Variants in MYRIP observed in about 807,000 individuals in gnomAD.
MYRIP encodes the protein myosin VIIA and Rab interacting protein.
A neutral mutation model predicts 98.0 loss-of-function variants in MYRIP; 49 were observed. The observed-to-expected ratio is 0.50, with a 90% confidence interval of 0.40 to 0.63. MYRIP has a LOEUF of 0.63. Among genes scored for constraint, MYRIP ranks in the 30% least tolerant of loss-of-function variants. The pLI is 0.00. For missense variants in MYRIP, 1,004 were observed against 1,058.2 expected (o/e 0.95, Z 0.71); for synonymous variants, 404 against 409.5 (o/e 0.99, Z 0.16).
At chr3:40,041,058 G>T (rs1575488927) in intron 2 of MYRIP, among the ~76,000 whole-genome samples, 1 of 129,160 alleles carries the variant, frequency 7.7e-6, no homozygotes. Context: ...GCAATGGCTT[G>T]CAACTCTGAG....
intron 11 of MYRIP, among the ~76,000 whole-genome samples, chr3:40,228,950 A>C (rs1396433500): frequency 6.6e-6 from 1 of 152,210 alleles, no homozygotes; most frequent in Admixed American, 6.5e-5. Context: ...TGCTGCTCAC[A>C]CATTCACAAG....
intron 3 of MYRIP, among the ~76,000 whole-genome samples, chr3:40,065,156 C>T (rs1475777863): frequency 6.6e-6 from 1 of 152,144 alleles, no homozygotes; most frequent in South Asian, 2.1e-4. Context: ...GGTTTGACAA[C>T]CTTTGGTGCT....
chr3:39,914,624 T>A (rs1445608480), intron 2 of MYRIP, among the ~76,000 whole-genome samples: 1 of 152,106 alleles, frequency 6.6e-6, no homozygotes, highest in Admixed American at 6.5e-5. Context: ...TGAAACTTTT[T>A]AAGTATAGAA....
chr3:39,924,505 A>G (rs1391799863), intron 2 of MYRIP, among the ~76,000 whole-genome samples: 1 of 152,100 alleles, frequency 6.6e-6, no homozygotes, highest in Non-Finnish European at 1.5e-5. Context: ...TAGAACTAAC[A>G]CTGAAAATAG....
At chr3:40,172,284 G>A (rs991247255) in intron 8 of MYRIP, among the ~76,000 whole-genome samples, 7 of 152,172 alleles carry the variant, frequency 4.6e-5, no homozygotes, top group South Asian at 2.1e-4. Context: ...GGAGTGCTGG[G>A]GACAGGTAGA....
chr3:39,927,802 A>G (rs1252467813), intron 2 of MYRIP, among the ~76,000 whole-genome samples: 1 of 152,066 alleles, frequency 6.6e-6, no homozygotes, highest in Non-Finnish European at 1.5e-5. Context: ...ACAGAATACT[A>G]TTAAACCAGA....
At chr3:40,119,198 A>G (rs910033455) in intron 3 of MYRIP, among the ~76,000 whole-genome samples, 2 of 152,060 alleles carry the variant, frequency 1.3e-5, no homozygotes, top group African/African-American at 2.4e-5. Context: ...TCCCACCAAC[A>G]GTGTAAAAGT....
intron 3 of MYRIP, among the ~76,000 whole-genome samples, chr3:40,065,002 G>T (rs370134348): frequency 2.0e-5 from 3 of 152,056 alleles, no homozygotes; most frequent in African/African-American, 7.2e-5. Context: ...CATTTCTTAG[G>T]GTTTCCATAA....
intron 3 of MYRIP, among the ~76,000 whole-genome samples, chr3:40,058,323 G>A (rs1947926031): frequency 1.3e-5 from 2 of 152,064 alleles, no homozygotes; most frequent in Non-Finnish European, 1.5e-5. Context: ...ACTTAAGTGT[G>A]TATTACTTTA....
chr3:40,013,232 A>G (rs951875585), intron 2 of MYRIP, among the ~76,000 whole-genome samples: 1 of 152,198 alleles, frequency 6.6e-6, no homozygotes, highest in Admixed American at 6.5e-5. Flanking sequence ...ACGTTTTTGC[A>G]CTTCCATTAT....
chr3:39,957,431 A>G (rs1418651293), intron 2 of MYRIP, among the ~76,000 whole-genome samples: 1 of 152,214 alleles, frequency 6.6e-6, no homozygotes, highest in African/African-American at 2.4e-5. Context: ...CAAAAACCAC[A>G]TGATTATCTC....
chr3:40,025,330 G>T (rs898942832), intron 2 of MYRIP, among the ~76,000 whole-genome samples: 2 of 152,024 alleles, frequency 1.3e-5, no homozygotes, highest in African/African-American at 2.4e-5. Flanking sequence ...TAAATCTGTG[G>T]TATCAAGGGC....
intron 2 of MYRIP, among the ~76,000 whole-genome samples, chr3:39,934,191 C>A (rs1944606148): frequency 6.6e-6 from 1 of 152,178 alleles, no homozygotes; most frequent in South Asian, 2.1e-4. Flanking sequence ...GTTCAACCAA[C>A]AAAACTTGAT....
At chr3:40,017,987 T>C (rs763560732) in intron 2 of MYRIP, among the ~76,000 whole-genome samples, 2 of 152,192 alleles carry the variant, frequency 1.3e-5, no homozygotes, top group African/African-American at 2.4e-5. Flanking sequence ...TAATTTCTCA[T>C]GCAAAATGAG....
chr3:40,025,120 C>T (rs535499949), intron 2 of MYRIP, among the ~76,000 whole-genome samples: 15 of 152,274 alleles, frequency 9.9e-5, no homozygotes, highest in South Asian at 2.1e-4. Flanking sequence ...CTGAGCTACT[C>T]GCTGAACCTG....
At chr3:39,827,855 G>A (rs1044708538) in intron 1 of MYRIP, among the ~76,000 whole-genome samples, 1 of 150,258 alleles carries the variant, frequency 6.7e-6, no homozygotes, top group African/African-American at 2.5e-5. Context: ...TAGCTTTGCC[G>A]AATATAATAT....
At chr3:39,941,874 A>G (rs1301998683) in intron 2 of MYRIP, among the ~76,000 whole-genome samples, 1 of 152,142 alleles carries the variant, frequency 6.6e-6, no homozygotes, top group Non-Finnish European at 1.5e-5. Context: ...TTACTAGCTT[A>G]CATGTGAAAA....
At chr3:39,884,809 A>ATT (rs67108421) in intron 1 of MYRIP, among the ~76,000 whole-genome samples, 9,098 of 139,198 alleles carry the variant, frequency 0.065, 350 homozygotes, top group Middle Eastern at 0.096. Flanking sequence ...AGTCATTATT[A>ATT]TTTTTTTTTT....
intron 2 of MYRIP, among the ~76,000 whole-genome samples, chr3:39,957,517 T>C (rs529891307): frequency 5.8e-4 from 88 of 152,254 alleles, no homozygotes; most frequent in African/African-American, 2.1e-3. Context: ...TCGGTATTGA[T>C]GGGATGTATC....
Sources: allele counts gnomAD v4.1 joint callset (sites outside exome capture counted in the v4.1 genomes callset), GRCh38; gene constraint gnomAD v4.1.1; transcripts MANE v1.5; gene names NCBI Gene and HGNC (gene_info 2026-07-23, HGNC 2026-07-21).